The following AAK1 variants were observed in gnomAD, a reference collection of about 807,000 sequenced individuals.
The protein encoded by AAK1 is AP2-associated protein kinase 1.
AAK1 carries 37 observed loss-of-function variants against 116.0 expected under a neutral mutation model. That is an observed-to-expected ratio of 0.32 (90% CI 0.25 to 0.42). The LOEUF (loss-of-function observed/expected upper bound fraction) is 0.42. Among genes scored for constraint, AAK1 ranks in the 10% least tolerant of loss-of-function variants. AAK1 has a pLI of 1.00. For synonymous variants in AAK1, 458 were observed against 439.9 expected, an observed-to-expected ratio of 1.04 and a Z score of -0.51; for missense variants, 919 against 1,170.6, an observed-to-expected ratio of 0.79 and a Z score of 3.14.
chr2:69,512,949 A>C (rs1250378113), intron 13 of AAK1, among the ~76,000 whole-genome samples: 1 of 152,194 alleles, frequency 6.6e-6, no homozygotes, highest in East Asian at 1.9e-4. Flanking sequence ...CAGCTCCACT[A>C]CCATCAGTTC....
chr2:69,642,839 A>C (rs1265270812), intron 2 of AAK1, 39 bp downstream of exon 2: 20 of 1,612,720 alleles, frequency 1.2e-5, no homozygotes, highest in Non-Finnish European at 1.7e-5. Flanking sequence ...CCGCATCAGC[A>C]CAAGATTTTA....
At chr2:69,507,707 A>T (rs1162306432) in intron 14 of AAK1, 129 bp from the exon 15 acceptor site, 56 of 663,838 alleles carry the variant, frequency 8.4e-5, no homozygotes, top group South Asian at 5.7e-5. Context: ...CCACCACAGT[A>T]TTTTTTTTTT....
intron 12 of AAK1, among the ~76,000 whole-genome samples, chr2:69,516,263 G>A (rs1310734897): frequency 1.3e-5 from 2 of 148,260 alleles, no homozygotes; most frequent in East Asian, 3.9e-4. Context: ...ATCTTAAAAC[G>A]ATAGAACAAT....
At chr2:69,610,613 A>G (rs545163230) in intron 2 of AAK1, among the ~76,000 whole-genome samples, 39 of 152,332 alleles carry the variant, frequency 2.6e-4, no homozygotes, top group African/African-American at 8.9e-4. Context: ...CATACATCTG[A>G]TAAGAAGTTA....
At chr2:69,565,013 C>T (rs983352807) in intron 2 of AAK1, among the ~76,000 whole-genome samples, 3 of 152,194 alleles carry the variant, frequency 2.0e-5, no homozygotes, top group African/African-American at 7.2e-5. Flanking sequence ...AATATCTTCT[C>T]GAGATCAAGA....
intron 10 of AAK1, among the ~76,000 whole-genome samples, chr2:69,523,188 GGGATCATT>G (rs1669865006): frequency 6.6e-6 from 1 of 152,182 alleles, no homozygotes; most frequent in African/African-American, 2.4e-5. Context: ...AGTGGGGAAA[GGGATCATT>G]GCTTACCCTC....
chr2:69,519,205 G>T lies in AAK1; in HGVS notation c.1246C>A (p.Pro416Thr). 1 of 1,588,672 alleles carries T rather than the reference G, an allele frequency of 6.3e-7. No homozygotes were observed. Among genetic ancestry groups the T allele is most frequent in the Non-Finnish European group, 8.6e-7 (1 of 1,167,640 alleles). ...GGTGGGGCTTGGGGTTTTGGTTGGG[G>T]AACACTGGCTAAAAGGCCAGGCTGA... Reference protein sequence around the residue: ...SNQPGLLASVPQPKPQAPPSQ... With the variant: ...SNQPGLLASVTQPKPQAPPSQ... Residue 416 changes from proline (P) to threonine (T), a missense_variant, in exon 12 of 22, where the codon CCC becomes ACC. Around this residue, in one of 4 missense-constraint regions of AAK1, gnomAD observed 214 missense variants for 210.6 expected, o/e 1.02. Coordinates refer to ENST00000409085, the MANE Select transcript of AAK1 (RefSeq NM_014911.5).
In AAK1 at chr2:69,461,768, T is replaced by G. The variant is rs1674347934; in HGVS notation, c.*14101A>C. 3.3e-6 allele frequency: 1 copy of G among 303,308 alleles called. No homozygotes were observed. The highest frequency in any genetic ancestry group is 6.5e-6 in the Non-Finnish European group (1 of 153,364). 18.8% of individuals were successfully genotyped at this position (303,308 alleles called of 1,614,324 possible). A position where few individuals can be genotyped will look rare whatever the true frequency, so the allele number is the denominator to read the frequency against. ...CATCACGCCCAGCTACTTTTTGTAT[T>G]TTTGGTAGAGACAGGGTTTCACCAT... is the stretch of plus-strand genomic sequence containing the variant. On this transcript the variant is annotated 3_prime_UTR_variant, in exon 22 of 22. Coordinates refer to ENST00000409085, the MANE Select transcript of AAK1 (RefSeq NM_014911.5).
intron 2 of AAK1, among the ~76,000 whole-genome samples, chr2:69,627,534 C>A (rs903342597): frequency 3.9e-5 from 6 of 152,218 alleles, no homozygotes; most frequent in African/African-American, 1.4e-4. Context: ...GGAAAAGGCA[C>A]CAGCCAAGCC....
chr2:69,541,546 T>C (rs577820619), intron 5 of AAK1, among the ~76,000 whole-genome samples: 1 of 152,350 alleles, frequency 6.6e-6, no homozygotes, highest in Admixed American at 6.5e-5. Flanking sequence ...TTATATACTT[T>C]AAAGCAGTAA....
intron 2 of AAK1, among the ~76,000 whole-genome samples, chr2:69,601,515 T>C (rs911353626): frequency 1.3e-5 from 2 of 152,242 alleles, no homozygotes; most frequent in Admixed American, 6.5e-5. Context: ...GGGGCACTTA[T>C]GACCAGAATA....
intron 16 of AAK1, 51 bp downstream of exon 16, chr2:69,505,518 T>C: frequency 6.8e-7 from 1 of 1,463,368 alleles, no homozygotes; most frequent in Non-Finnish European, 9.5e-7. Flanking sequence ...TAAAAAACAG[T>C]GTGAAGGTAA....
chr2:69,551,046 G>A (rs1396220818), intron 3 of AAK1, among the ~76,000 whole-genome samples: 1 of 150,504 alleles, frequency 6.6e-6, no homozygotes, highest in Non-Finnish European at 1.5e-5. Flanking sequence ...CATGCTTCCT[G>A]TGTTTTTTTT....
chr2:69,524,724 C>A (rs115323998), intron 10 of AAK1, among the ~76,000 whole-genome samples: 3 of 152,320 alleles, frequency 2.0e-5, no homozygotes, highest in East Asian at 3.9e-4. Context: ...TGAAACACCA[C>A]GCCTGGCCGT....
intron 2 of AAK1, among the ~76,000 whole-genome samples, chr2:69,621,006 C>T (rs1674595146): frequency 6.6e-6 from 1 of 152,246 alleles, no homozygotes; most frequent in African/African-American, 2.4e-5. Context: ...GCCCAACTCT[C>T]ACTGTGGTGC....
intron 2 of AAK1, among the ~76,000 whole-genome samples, chr2:69,608,434 T>C (rs530849340): frequency 3.8e-4 from 58 of 152,332 alleles, no homozygotes; most frequent in African/African-American, 1.3e-3. Flanking sequence ...TAAGAATTCA[T>C]CTCCCATGAG....
At chr2:69,638,664 T>C (rs1675558100) in intron 2 of AAK1, among the ~76,000 whole-genome samples, 1 of 152,182 alleles carries the variant, frequency 6.6e-6, no homozygotes, top group African/African-American at 2.4e-5. Context: ...AAATTTATCA[T>C]GCTGTTTCAC....
chr2:69,530,900 C>T (rs1670228458), intron 6 of AAK1, among the ~76,000 whole-genome samples, 194 bp from the exon 7 acceptor site: 1 of 152,212 alleles, frequency 6.6e-6, no homozygotes, highest in African/African-American at 2.4e-5. Context: ...CCAAGGCGTT[C>T]TGGCAGCAGT....
At chr2:69,566,900 G>A (rs1446865073) in intron 2 of AAK1, among the ~76,000 whole-genome samples, 4 of 152,092 alleles carry the variant, frequency 2.6e-5, no homozygotes, top group African/African-American at 4.8e-5. Flanking sequence ...CACCTTTGCC[G>A]TACTGCTGCC....
Sources: allele counts gnomAD v4.1 joint callset (sites outside exome capture counted in the v4.1 genomes callset), GRCh38; gene constraint gnomAD v4.1.1; regional missense constraint gnomAD v4.1.1; transcripts MANE v1.5; gene names NCBI Gene and HGNC (gene_info 2026-07-23, HGNC 2026-07-21).